ZNF335: variants seen among roughly 807,000 people sequenced by gnomAD.
ZNF335 encodes NRC-interacting factor 1.
In ZNF335, 84 loss-of-function variants were observed where a neutral mutation model predicts 145.6. The observed-to-expected ratio is 0.58, with a 90% confidence interval of 0.48 to 0.69. The LOEUF (loss-of-function observed/expected upper bound fraction) is 0.69, where lower values mean the gene tolerates loss of function less well. ZNF335 is among the 30% of genes least tolerant of loss of function. The pLI is 0.00. For synonymous variants in ZNF335, 761 were observed against 717.0 expected (o/e 1.06, Z -0.98); for missense variants, 1,865 against 1,809.7 (o/e 1.03, Z -0.55).
In ZNF335 at chr20:45,950,488, C is replaced by T. The variant is rs2083610902; in HGVS notation, c.3297G>A (p.Lys1099=). Residue 1099 remains lysine (K), a synonymous_variant, in exon 21 of 28, where the codon AAG becomes AAA. Coordinates refer to ENST00000322927, the MANE Select transcript of ZNF335 (RefSeq NM_022095.4). ...DLRRHMLTHT[K]EKPFACHLCG... The stretch of plus-strand genomic sequence containing the variant: ...AGAGGTGGCATGCAAAAGGCTTCTC[C>T]TTTGTGTGAGTCAGCATGTGCCGAC... The T allele has an allele frequency of 1.9e-6, 3 of 1,614,236 alleles. No homozygotes were observed. The highest frequency in any genetic ancestry group is 4.5e-5 in the East Asian group (2 of 44,884).
chr20:45,957,490 A>C (rs2083749982), intron 17 of ZNF335, 96 bp downstream of exon 17: 1 of 1,200,646 alleles, frequency 8.3e-7, no homozygotes, highest in African/African-American at 1.5e-5. Flanking sequence ...AGGGCGGAGA[A>C]GCTCTGATAC....
chr20:45,959,345 G>A lies in ZNF335; in HGVS notation c.2109C>T (p.Ser703=), dbSNP rs757971681. The change falls in exon 15 of 28, where the codon AGC becomes AGT. Residue 703 remains serine, a synonymous_variant. Coordinates refer to ENST00000322927, the MANE Select transcript of ZNF335 (RefSeq NM_022095.4). ...GGCGCCTCCCCCATTCCTCGAAGCT[G>A]CTTGCGTGTCGGCACCGTACGTGCA... The part of the protein sequence containing the change: ...LRLHVRCRHA[S]SFEEWGRRHP... 3.8e-6 allele frequency: 6 copies of A among 1,585,960 alleles called. No homozygotes were observed. Among genetic ancestry groups the A allele is most frequent in the Non-Finnish European group, 5.2e-6 (6 of 1,163,390 alleles).
intron 18 of ZNF335, 110 bp downstream of exon 18, chr20:45,953,579 T>C: frequency 7.2e-7 from 1 of 1,382,232 alleles, no homozygotes; most frequent in South Asian, 1.3e-5. Flanking sequence ...TCACTTGATG[T>C]GTATTGGGAT....
In ZNF335 at chr20:45,953,960, C is replaced by G; in HGVS notation, c.2443-12G>C. ...TTCACCACAGCCACCTGCAACGGCA[C>G]CAGGGGGCGGGATGGGAGGCACTGG... On this transcript the variant is annotated splice_polypyrimidine_tract_variant and intron_variant, in intron 17 of 27. Transcript: ENST00000322927. 1.1e-5 allele frequency: 18 copies of G among 1,571,574 alleles called. No individual in the cohort carries two copies. Among genetic ancestry groups the G allele is most frequent in the Non-Finnish European group, 1.5e-5 (17 of 1,156,732 alleles).
intron 2 of ZNF335, 148 bp from the exon 3 acceptor site, chr20:45,969,839 G>A (rs1332050542): frequency 9.6e-7 from 1 of 1,039,390 alleles, no homozygotes; most frequent in Admixed American, 2.9e-5. Flanking sequence ...CGGAGGACCA[G>A]TGAGAGAGGC....
Position 45,971,366 on chromosome 20 carries a change from C to T in ZNF335, c.45G>A (p.Gly15=). 1 of 1,600,526 alleles carries T rather than the reference C, an allele frequency of 6.2e-7. No homozygotes were observed. The highest frequency in any genetic ancestry group is 8.5e-7 in the Non-Finnish European group (1 of 1,179,672). ...CAGAGGGCTCCTCGGGCCGGCCAGG[C>T]CCAGGGGCCGCGTCGCTGCTGCTCT... ...EVESSSDAAP[G]PGRPEEPSES... Residue 15 remains glycine, a synonymous_variant, in exon 2 of 28, where the codon GGG becomes GGA. Transcript: ENST00000322927.
intron 9 of ZNF335, among the ~76,000 whole-genome samples, 175 bp downstream of exon 9, chr20:45,963,298 T>C (rs1338751631): frequency 2.0e-5 from 3 of 152,046 alleles, no homozygotes; most frequent in African/African-American, 7.2e-5. Context: ...TCCCGCAAGC[T>C]CTGAGGAGCT....
intron 10 of ZNF335, 171 bp downstream of exon 10, chr20:45,961,899 A>G: frequency 1.6e-6 from 1 of 608,346 alleles, no homozygotes; most frequent in South Asian, 1.9e-5. Context: ...GTCCTGTTCT[A>G]AGCCAAATGA....
Position 45,950,591 on chromosome 20 carries a change from T to A in ZNF335, c.3194A>T (p.His1065Leu). 6.2e-7 allele frequency: 1 copy of A among 1,613,942 alleles called. No homozygotes were observed. Among genetic ancestry groups the A allele is most frequent in the South Asian group, 1.1e-5 (1 of 91,090 alleles). ...CCGTAGGCTTGAGTGCTGTGCCATG[T>A]GCGCCTGCAGAGAGGGCAGAGTTGG... ...SARQWPEVRA[H>L]MAQHSSLRPH... The change falls in exon 21 of 28, where the codon CAC becomes CTC. Residue 1065 changes from histidine (H) to leucine (L), a missense_variant. By Grantham distance (99) the His-to-Leu change is moderately conservative. Transcript: ENST00000322927.
intron 9 of ZNF335, among the ~76,000 whole-genome samples, chr20:45,963,254 G>A (rs1385666972): frequency 6.6e-6 from 1 of 152,150 alleles, no homozygotes; most frequent in Admixed American, 6.5e-5. Flanking sequence ...CTGCAAAACC[G>A]CCTGTGGCAG....
chr20:45,963,583 G>C lies in ZNF335; in HGVS notation c.1423C>G (p.Leu475Val). 6.2e-7 allele frequency: 1 copy of C among 1,614,254 alleles called. No homozygotes were observed. Among genetic ancestry groups the C allele is most frequent in the East Asian group, 2.2e-5 (1 of 44,892 alleles). Residue 475 changes from leucine to valine, a missense_variant, in exon 9 of 28, where the codon CTG becomes GTG. Coordinates refer to ENST00000322927, the MANE Select transcript of ZNF335 (RefSeq NM_022095.4). ...TGGAAGCGCAGGTCCTCGTGGGACA[G>C]AAAGCGAGAACCACAGATGCGGCAC... ...FLCRICGSRF[L>V]SHEDLRFHVN...
chr20:45,952,039 C>T, intron 20 of ZNF335, 108 bp downstream of exon 20: 1 of 1,438,210 alleles, frequency 7.0e-7, no homozygotes, highest in South Asian at 1.5e-5. Context: ...CTCATCCACT[C>T]AGAGGAGAGC....
rs371566441 is a variant in ZNF335 at position 45,959,192 on chromosome 20, C to T, written c.2253+9G>A. 20 of 1,362,578 alleles carry T rather than the reference C, an allele frequency of 1.5e-5. No homozygotes were observed. In the East Asian group the frequency reaches 3.0e-4, roughly 21 times the overall value. 84.4% of individuals were successfully genotyped at this position (1,362,578 alleles called of 1,614,324 possible). A position where few individuals can be genotyped will look rare whatever the true frequency, so the allele number is the denominator to read the frequency against. On this transcript the variant is annotated intron_variant, in intron 15 of 27. Coordinates refer to ENST00000322927, the MANE Select transcript of ZNF335 (RefSeq NM_022095.4). ...CACTCTGTCATCCTGACCCATGCCC[C>T]GACCTTACCTCAGGAGGTCCTGGGG...
chr20:45,953,913 C>T lies in ZNF335; in HGVS notation c.2478G>A (p.Gly826=). 6.2e-7 allele frequency: 1 copy of T among 1,610,088 alleles called. No homozygotes were observed. Among genetic ancestry groups the T allele is most frequent in the Non-Finnish European group, 8.5e-7 (1 of 1,178,232 alleles). The change falls in exon 18 of 28, where the codon GGG becomes GGA. Residue 826 remains glycine (G), a synonymous_variant. Coordinates refer to ENST00000322927, the MANE Select transcript of ZNF335 (RefSeq NM_022095.4). The part of the protein sequence containing the change: ...AVVKSEDVEA[G]LASPGGQPSP... ...AGGGCTGCCCACCAGGGGATGCTAACCCTGCTTCCACATCTTCCGACTTCA... is the reference window on the plus strand; with the variant it reads ...AGGGCTGCCCACCAGGGGATGCTAATCCTGCTTCCACATCTTCCGACTTCA...
In ZNF335 at chr20:45,971,934, C is replaced by G. The variant is rs908418913; in HGVS notation, c.-51+188G>C. ...CCCGGCGCTGCCTGTGCTCCAGGCC[C>G]GACGCCATCTTGTGGTGGCGCCGGG... On this transcript the variant is annotated intron_variant, in intron 1 of 27. Coordinates refer to ENST00000322927, the MANE Select transcript of ZNF335 (RefSeq NM_022095.4). 1.4e-5 allele frequency: 14 copies of G among 985,328 alleles called. No individual in the cohort carries two copies. In the Admixed American group the frequency reaches 7.4e-4, roughly 52 times the overall value. 61.0% of individuals were successfully genotyped at this position (985,328 alleles called of 1,614,324 possible).
rs2083938728 is a variant in ZNF335 at position 45,965,676 on chromosome 20, C to A, written c.1054G>T (p.Gly352Cys). 6.3e-7 allele frequency: 1 copy of A among 1,599,380 alleles called. No homozygotes were observed. The highest frequency in any genetic ancestry group is 8.5e-7 in the Non-Finnish European group (1 of 1,174,458). ...AGGCGGGGCAGCTTCCGGGGCCGGC[C>A]AGGTCTCCTTCGGGGCCTTGGGGTA... is the stretch of plus-strand genomic sequence containing the variant. ...PSTPRPRRRP[G>C]RPRKLPRLEI... Residue 352 changes from glycine (G) to cysteine (C), a missense_variant, in exon 7 of 28, where the codon GGC becomes TGC. Physicochemically the swap from Gly to Cys is radical, Grantham distance 159. Transcript: ENST00000322927.
intron 17 of ZNF335, among the ~76,000 whole-genome samples, chr20:45,957,158 T>A (rs1375837430): frequency 2.0e-5 from 3 of 151,824 alleles, no homozygotes; most frequent in African/African-American, 7.3e-5. Flanking sequence ...CGCGAGAGAG[T>A]GGTCTGATCT....
chr20:45,963,714 C>T, intron 8 of ZNF335, 24 bp downstream of exon 8: 1 of 1,614,078 alleles, frequency 6.2e-7, no homozygotes, highest in Non-Finnish European at 8.5e-7. Context: ...ATGCATGCCC[C>T]ACCCTCACCT....
intron 7 of ZNF335, among the ~76,000 whole-genome samples, chr20:45,965,132 G>A (rs2083928128): frequency 6.6e-6 from 1 of 151,670 alleles, no homozygotes; most frequent in Admixed American, 6.6e-5. Flanking sequence ...TAACCCTTAA[G>A]CAATCCTAAA....
Sources: gnomAD v4.1 joint callset for allele counts (sites outside exome capture counted in the v4.1 genomes callset) on GRCh38, gnomAD v4.1.1 for gene constraint, MANE v1.5 for transcripts, NCBI Gene and HGNC (gene_info 2026-07-23, HGNC 2026-07-21) for gene names.